The following NT5M variants were observed in gnomAD, a reference collection of about 807,000 sequenced individuals.
NT5M encodes the protein 5',3'-nucleotidase, mitochondrial.
Under a neutral mutation model 22.2 loss-of-function variants are expected in NT5M, and 22 were observed. That is an observed-to-expected ratio of 0.99 (90% confidence interval 0.71 to 1.41). NT5M has a LOEUF of 1.41. NT5M is among the 40% of genes most tolerant of loss of function. The pLI, the probability that NT5M is intolerant of heterozygous loss-of-function variation, is 0.00. For synonymous variants in NT5M, 167 were observed against 133.0 expected (o/e 1.26, Z -1.76); for missense variants, 322 against 314.8 (o/e 1.02, Z -0.17).
intron 3 of NT5M, among the ~76,000 whole-genome samples, chr17:17,339,638 G>C (rs1169954143): frequency 6.6e-6 from 1 of 152,104 alleles, no homozygotes; most frequent in Non-Finnish European, 1.5e-5. Flanking sequence ...TTATTATGTT[G>C]AGGTATGTTC....
At chr17:17,320,720 C>A (rs1166071169) in intron 2 of NT5M, among the ~76,000 whole-genome samples, 1 of 152,048 alleles carries the variant, frequency 6.6e-6, no homozygotes, top group Non-Finnish European at 1.5e-5. Context: ...TGAGAGCCCC[C>A]GAGGGCCTAG....
chr17:17,317,620 TGA>T (rs2049058424), intron 2 of NT5M, among the ~76,000 whole-genome samples: 1 of 152,008 alleles, frequency 6.6e-6, no homozygotes, highest in Non-Finnish European at 1.5e-5. Flanking sequence ...ATTGTGGGTG[TGA>T]ATATAAAACA....
rs2048724525 is a variant in NT5M at position 17,303,533 on chromosome 17, G to C, written c.-18G>C. The C allele has an allele frequency of 2.9e-6, 3 of 1,044,784 alleles. No homozygotes were observed. The highest frequency in any genetic ancestry group is 3.4e-6 in the Non-Finnish European group (3 of 869,814). 64.7% of individuals were successfully genotyped at this position (1,044,784 alleles called of 1,614,324 possible). A position where few individuals can be genotyped will look rare whatever the true frequency, so the allele number is the denominator to read the frequency against. On this transcript the variant is annotated 5_prime_UTR_variant, in exon 1 of 5. Coordinates refer to ENST00000389022, the MANE Select transcript of NT5M (RefSeq NM_020201.4). Reference sequence around the variant, plus strand: ...CGGCCCAGGTCCCCGCGCCCACGACGGGCCAGCGCGCTGGGCCATGATCCG... The same window carrying C: ...CGGCCCAGGTCCCCGCGCCCACGACCGGCCAGCGCGCTGGGCCATGATCCG...
chr17:17,324,038 A>T (rs2049212610), intron 3 of NT5M, among the ~76,000 whole-genome samples: 1 of 151,462 alleles, frequency 6.6e-6, no homozygotes. Flanking sequence ...CATCCAGGTA[A>T]TTTTTTTTGT....
Position 17,346,971 on chromosome 17 carries a change from C to T in NT5M, c.*24C>T. 1 of 1,608,156 alleles carries T rather than the reference C, an allele frequency of 6.2e-7. No homozygotes were observed. The highest frequency in any genetic ancestry group is 1.3e-5 in the African/African-American group (1 of 75,048). On this transcript the variant is annotated 3_prime_UTR_variant, in exon 5 of 5. Coordinates refer to ENST00000389022, the MANE Select transcript of NT5M (RefSeq NM_020201.4). Reference sequence around the variant, plus strand: ...GAGCTGGACTGTGCTTCGGGCTCCTCTGTGGGGCTCTGACCTCAGGGCTCC... The same window carrying T: ...GAGCTGGACTGTGCTTCGGGCTCCTTTGTGGGGCTCTGACCTCAGGGCTCC...
intron 2 of NT5M, among the ~76,000 whole-genome samples, chr17:17,315,756 T>G (rs1480865552): frequency 1.1e-5 from 1 of 87,356 alleles, no homozygotes; most frequent in Non-Finnish European, 2.4e-5. Context: ...TTTTTTGTTT[T>G]TTTTTTTTTT....
chr17:17,329,806 T>A (rs1371646051), intron 3 of NT5M, among the ~76,000 whole-genome samples: 1 of 151,442 alleles, frequency 6.6e-6, no homozygotes, highest in Non-Finnish European at 1.5e-5. Flanking sequence ...TGAGACCCCA[T>A]CTGTACTAAA....
At chr17:17,336,874 A>T (rs892512201) in intron 3 of NT5M, among the ~76,000 whole-genome samples, 1 of 152,108 alleles carries the variant, frequency 6.6e-6, no homozygotes, top group African/African-American at 2.4e-5. Flanking sequence ...TATTTACCAC[A>T]TTTTTTAAAT....
At position 17,347,575 on chromosome 17, in the gene NT5M, G is replaced by A. The variant is rs934494041; in HGVS notation, c.*628G>A. ...AGGTTTCTCACACCTCTGTTCCCAGGGCCCCGCTCAGGGCCCAGCAGAGAG... is the reference window on the plus strand; with the variant it reads ...AGGTTTCTCACACCTCTGTTCCCAGAGCCCCGCTCAGGGCCCAGCAGAGAG... On this transcript the variant is annotated 3_prime_UTR_variant, in exon 5 of 5. Transcript: ENST00000389022. The A allele has an allele frequency of 3.9e-5, 6 of 153,030 alleles. No homozygotes were observed. Among genetic ancestry groups the A allele is most frequent in the African/African-American group, 1.4e-4 (6 of 41,480 alleles). 9.5% of individuals were successfully genotyped at this position (153,030 alleles called of 1,614,324 possible). A position where few individuals can be genotyped will look rare whatever the true frequency, so the allele number is the denominator to read the frequency against.
At chr17:17,333,834 AT>A (rs35917484) in intron 3 of NT5M, among the ~76,000 whole-genome samples, 25,118 of 117,014 alleles carry the variant, frequency 0.21, 2,426 homozygotes, top group African/African-American at 0.3. Flanking sequence ...ATGTTTTTGT[AT>A]TTTTTTTTTT....
At chr17:17,318,787 A>G in intron 2 of NT5M, among the ~76,000 whole-genome samples, 1 of 76,376 alleles carries the variant, frequency 1.3e-5, no homozygotes, top group African/African-American at 1.0e-4. Flanking sequence ...CTCCGTCTCA[A>G]AAAAAAAAAA....
At position 17,343,245 on chromosome 17, in the gene NT5M, G is replaced by A. The variant is rs554234100; in HGVS notation, c.430-1549G>A. On this transcript the variant is annotated intron_variant, in intron 3 of 4. Coordinates refer to ENST00000389022, the MANE Select transcript of NT5M (RefSeq NM_020201.4). ...GCTAGGAGAAGGGCCCTGTGCATAT[G>A]TGTGTGTGTGTGCATGTGTGTGTGC... 5.9e-5 allele frequency among the ~76,000 whole-genome samples: 9 copies of A among 152,072 alleles called. No individual in the cohort carries two copies. The South Asian group carries it at 1.9e-3, about 32-fold the overall frequency.
intron 1 of NT5M, among the ~76,000 whole-genome samples, chr17:17,305,413 C>G (rs8082383): frequency 8.0e-6 from 1 of 124,976 alleles, no homozygotes; most frequent in Non-Finnish European, 1.8e-5. Context: ...CCCCCGCCCC[C>G]ACACACGTGG....
chr17:17,337,404 A>AT lies in NT5M; in HGVS notation c.430-7376dup, dbSNP rs112137876. Reference sequence around the variant, plus strand: ...CTATGGGTGTGTGCCACCAAGCCTAATTTTTTTTTTTTTTCTTTAGACTGG... The same window carrying AT: ...CTATGGGTGTGTGCCACCAAGCCTAATTTTTTTTTTTTTTTCTTTAGACTGG... On this transcript the variant is annotated intron_variant, in intron 3 of 4. Coordinates refer to ENST00000389022, the MANE Select transcript of NT5M (RefSeq NM_020201.4). 5.9e-3 allele frequency among the ~76,000 whole-genome samples: 844 copies of AT among 142,190 alleles called. 2 individuals are homozygous for AT. The highest frequency in any genetic ancestry group is 9.9e-3 in the African/African-American group (385 of 38,966). 93.3% of individuals were successfully genotyped at this position (142,190 alleles called of 152,430 possible). A position where few individuals can be genotyped will look rare whatever the true frequency, so the allele number is the denominator to read the frequency against.
intron 3 of NT5M, among the ~76,000 whole-genome samples, chr17:17,342,009 C>T (rs757764302): frequency 6.6e-6 from 1 of 150,604 alleles, no homozygotes; most frequent in Non-Finnish European, 1.5e-5. Flanking sequence ...CCAGCCTGGG[C>T]GACAGCAAGA....
chr17:17,330,379 C>CT (rs35267848), intron 3 of NT5M, among the ~76,000 whole-genome samples: 33,128 of 138,530 alleles, frequency 0.24, 4,326 homozygotes, highest in African/African-American at 0.34. Flanking sequence ...AAAACGTAGA[C>CT]TTTTTTTTTT....
chr17:17,319,992 A>C (rs1052083205), intron 2 of NT5M, among the ~76,000 whole-genome samples: 1 of 152,106 alleles, frequency 6.6e-6, no homozygotes, highest in Non-Finnish European at 1.5e-5. Context: ...ACAGGTGCTC[A>C]TCACCACGTC....
intron 3 of NT5M, among the ~76,000 whole-genome samples, chr17:17,329,989 C>G (rs542154467): frequency 3.5e-4 from 53 of 151,396 alleles, no homozygotes; most frequent in African/African-American, 1.3e-3. Context: ...CAAAAACAAA[C>G]AAAACAAAAC....
intron 1 of NT5M, chr17:17,304,047 G>A (rs1346377664): frequency 1.7e-6 from 2 of 1,145,834 alleles, no homozygotes; most frequent in Non-Finnish European, 1.1e-6. Context: ...AGAGTACAAA[G>A]TGTTAATATA....
Sources: allele counts gnomAD v4.1 joint callset (sites outside exome capture counted in the v4.1 genomes callset), GRCh38; gene constraint gnomAD v4.1.1; transcripts MANE v1.5; gene names NCBI Gene and HGNC (gene_info 2026-07-23, HGNC 2026-07-21).